PRRC2C: variants seen among roughly 807,000 people sequenced by gnomAD.
The protein encoded by PRRC2C is proline rich coiled-coil 2C, also known as protein PRRC2C.
PRRC2C carries 72 observed loss-of-function variants against 317.2 expected under a neutral mutation model. The observed-to-expected ratio is 0.23, with a 90% confidence interval of 0.19 to 0.28. The LOEUF (loss-of-function observed/expected upper bound fraction) is 0.28, where lower values mean the gene tolerates loss of function less well. PRRC2C is among the 10% of genes least tolerant of loss of function. PRRC2C has a pLI of 1.00. For missense variants in PRRC2C, 3,074 were observed against 3,459.7 expected (o/e 0.89, Z 2.80); for synonymous variants, 1,296 against 1,205.9 (o/e 1.07, Z -1.55).
At chr1:171,551,454 T>G (rs1222560380) in intron 18 of PRRC2C, among the ~76,000 whole-genome samples, 1 of 152,234 alleles carries the variant, frequency 6.6e-6, no homozygotes, top group African/African-American at 2.4e-5. Context: ...GTGCAGAAGC[T>G]CTTTAGTTTA....
intron 19 of PRRC2C, among the ~76,000 whole-genome samples, chr1:171,559,579 T>C (rs1682243771): frequency 7.2e-6 from 1 of 138,478 alleles, no homozygotes; most frequent in South Asian, 2.6e-4. Context: ...TGGAGTGCAG[T>C]GGCTCAATCT....
chr1:171,533,049 T>A, intron 12 of PRRC2C, 88 bp downstream of exon 12: 1 of 1,259,044 alleles, frequency 7.9e-7, no homozygotes, highest in Non-Finnish European at 1.1e-6. Flanking sequence ...TTTAAATATA[T>A]GTAATCAATA....
chr1:171,547,029 CCA>C (rs1412746092), intron 17 of PRRC2C, among the ~76,000 whole-genome samples: 8 of 152,006 alleles, frequency 5.3e-5, no homozygotes, highest in African/African-American at 1.9e-4. Context: ...GAGTTTGAGA[CCA>C]GCCTGACCAA....
intron 24 of PRRC2C, 74 bp downstream of exon 24, chr1:171,571,495 G>A (rs974757253): frequency 4.4e-6 from 5 of 1,132,176 alleles, no homozygotes; most frequent in Admixed American, 3.8e-5. Flanking sequence ...ATATTCGTGG[G>A]GTATTTTTAC....
At chr1:171,569,575 A>AATATAT (rs60832207) in intron 23 of PRRC2C, among the ~76,000 whole-genome samples, 6,766 of 60,076 alleles carry the variant, frequency 0.11, 1,193 homozygotes, top group African/African-American at 0.17. Flanking sequence ...AAGTGGTTTA[A>AATATAT]ATATATATAT....
At chr1:171,514,954 A>G (rs1051350197) in intron 4 of PRRC2C, among the ~76,000 whole-genome samples, 1 of 152,242 alleles carries the variant, frequency 6.6e-6, no homozygotes, top group Non-Finnish European at 1.5e-5. Context: ...GCCATCGCAT[A>G]GATTGTTAGA....
intron 34 of PRRC2C, chr1:171,591,371 TG>T: frequency 5.5e-5 from 29 of 527,702 alleles, no homozygotes; most frequent in Non-Finnish European, 7.3e-5. Flanking sequence ...GGTGGTCCTG[TG>T]GTTTTTTTTT....
chr1:171,582,252 A>AT (rs910270725), intron 28 of PRRC2C, among the ~76,000 whole-genome samples: 3 of 152,226 alleles, frequency 2.0e-5, no homozygotes, highest in Admixed American at 1.3e-4. Flanking sequence ...AAAGAGAATT[A>AT]TTCTCACTGT....
At chr1:171,560,797 A>G (rs1682534756) in intron 19 of PRRC2C, among the ~76,000 whole-genome samples, 1 of 152,210 alleles carries the variant, frequency 6.6e-6, no homozygotes, top group South Asian at 2.1e-4. Context: ...TTATTGCAAT[A>G]CTTGCTTTAT....
At position 171,575,441 on chromosome 1, in the gene PRRC2C, A is replaced by G. The variant is rs79264872; in HGVS notation, c.6955+313A>G. Among the ~76,000 whole-genome samples, 51 of 152,348 alleles carry G rather than the reference A, an allele frequency of 3.3e-4. No individual in the cohort carries two copies. The East Asian group carries it at 7.7e-3, about 23-fold the overall frequency. ...CTCTTTTAAATGTTTGACAATCTGT[A>G]TCTAATTTGAAGGTGCTGTTGGCCT... is the stretch of plus-strand genomic sequence containing the variant. On this transcript the variant is annotated intron_variant, in intron 25 of 34. Coordinates refer to ENST00000647382, the MANE Select transcript of PRRC2C (RefSeq NM_001387844.1).
intron 1 of PRRC2C, among the ~76,000 whole-genome samples, chr1:171,498,371 C>T (rs1451981097): frequency 1.3e-5 from 2 of 152,158 alleles, no homozygotes; most frequent in Non-Finnish European, 1.5e-5. Context: ...GCACCTTGTT[C>T]ATGTCCTCAG....
intron 17 of PRRC2C, 102 bp from the exon 18 acceptor site, chr1:171,549,984 G>A: frequency 1.2e-6 from 1 of 820,504 alleles, no homozygotes; most frequent in Non-Finnish European, 1.7e-6. Context: ...CTAGGCCTTT[G>A]GCTAGTTTTT....
intron 10 of PRRC2C, among the ~76,000 whole-genome samples, chr1:171,527,568 C>A (rs1674872303): frequency 6.6e-6 from 1 of 151,364 alleles, no homozygotes; most frequent in Non-Finnish European, 1.5e-5. Flanking sequence ...AACAGCCTGG[C>A]CAACATGGCA....
rs1283829200 is a variant in PRRC2C, at chr1:171,566,129, G to T, written c.6118-104G>T. 6.9e-6 allele frequency: 6 copies of T among 874,118 alleles called. No homozygotes were observed. In the East Asian group the frequency reaches 1.3e-4, roughly 20 times the overall value. The allele number at this position is 874,118 out of a possible 1,614,324, so 54.1% of individuals were successfully genotyped here. Reference sequence around the variant, plus strand: ...TAATGTCGGTCTCAGTTAATATGTAGATTGTCTTAAACCTTCTATTGTACT... The same window carrying T: ...TAATGTCGGTCTCAGTTAATATGTATATTGTCTTAAACCTTCTATTGTACT... On this transcript the variant is annotated intron_variant, in intron 20 of 34. Coordinates refer to ENST00000647382, the MANE Select transcript of PRRC2C (RefSeq NM_001387844.1).
chr1:171,584,559 T>C (rs1197406591), intron 30 of PRRC2C, 33 bp downstream of exon 30: 18 of 1,512,040 alleles, frequency 1.2e-5, no homozygotes, highest in African/African-American at 2.8e-5. Flanking sequence ...TCCTCAATTT[T>C]CTTTATTATT....
chr1:171,566,437 A>T lies in PRRC2C; in HGVS notation c.6306+16A>T. The T allele has an allele frequency of 1.3e-6, 2 of 1,536,406 alleles. No homozygotes were observed. Among genetic ancestry groups the T allele is most frequent in the Non-Finnish European group, 1.8e-6 (2 of 1,141,674 alleles). ...AGCCCAGAAGGTAAATATACTTTATAATCCAGATAAAATTTTATGAAGGCC... is the reference window on the plus strand; with the variant it reads ...AGCCCAGAAGGTAAATATACTTTATTATCCAGATAAAATTTTATGAAGGCC... On this transcript the variant is annotated intron_variant, in intron 21 of 34. Transcript: ENST00000647382.
chr1:171,494,204 G>A (rs1027359949), intron 1 of PRRC2C, among the ~76,000 whole-genome samples: 2 of 152,174 alleles, frequency 1.3e-5, no homozygotes, highest in Non-Finnish European at 2.9e-5. Flanking sequence ...GCAGTTTTTA[G>A]TACAGAAAAT....
chr1:171,584,334 A>G (rs1244345200), intron 29 of PRRC2C, 85 bp from the exon 30 acceptor site: 3 of 1,374,394 alleles, frequency 2.2e-6, no homozygotes, highest in Non-Finnish European at 3.0e-6. Flanking sequence ...AAATTGCTAG[A>G]CATTGCTTTG....
Position 171,523,228 on chromosome 1 carries a change from C to G in PRRC2C, c.841C>G (p.Arg281Gly). 6.2e-7 allele frequency: 1 copy of G among 1,610,282 alleles called. No homozygotes were observed. Among genetic ancestry groups the G allele is most frequent in the African/African-American group, 1.3e-5 (1 of 74,822 alleles). ...PSLSETNKGL[R>G]GRGPPPSWAS... is the part of the protein sequence containing the mutation. ...TGACCTGCCTTTCATTAGAGGCCTT[C>G]GAGGAAGAGGCCCACCTCCTTCATG... The change falls in exon 8 of 35, where the codon CGA (arginine) becomes GGA (glycine). Residue 281 changes from arginine to glycine, a missense_variant. This residue lies in a region of PRRC2C where 50 missense variants were observed against 88.3 expected (regional missense o/e 0.57). Coordinates refer to ENST00000647382, the MANE Select transcript of PRRC2C (RefSeq NM_001387844.1).
Sources: gnomAD v4.1 joint callset for allele counts (sites outside exome capture counted in the v4.1 genomes callset) on GRCh38, gnomAD v4.1.1 for gene constraint, gnomAD v4.1.1 regional missense constraint, MANE v1.5 for transcripts, NCBI Gene and HGNC (gene_info 2026-07-23, HGNC 2026-07-21) for gene names.